The following OXSR1 variants were observed in gnomAD, a reference collection of about 807,000 sequenced individuals.
OXSR1 encodes oxidative stress responsive kinase 1.
A neutral mutation model predicts 79.8 loss-of-function variants in OXSR1; 24 were observed. The observed-to-expected ratio is 0.30, with a 90% CI of 0.22 to 0.42. The LOEUF is 0.42. OXSR1 is among the 10% of genes least tolerant of loss of function. The pLI is 1.00. For missense variants in OXSR1, 430 were observed against 618.4 expected (o/e 0.70, Z 3.23); for synonymous variants, 226 against 209.2 (o/e 1.08, Z -0.69).
At chr3:38,235,745 A>G (rs1702906261) in intron 10 of OXSR1, among the ~76,000 whole-genome samples, 1 of 152,230 alleles carries the variant, frequency 6.6e-6, no homozygotes, top group South Asian at 2.1e-4. Context: ...CTTCAAAGGT[A>G]TGAAAGAAAA....
intron 11 of OXSR1, among the ~76,000 whole-genome samples, chr3:38,237,319 A>G (rs1016723362): frequency 6.6e-6 from 1 of 152,160 alleles, no homozygotes; most frequent in Non-Finnish European, 1.5e-5. Context: ...TTATCCTTCT[A>G]CTAAGGAGGA....
intron 1 of OXSR1, among the ~76,000 whole-genome samples, chr3:38,173,611 A>G (rs1239267231): frequency 6.6e-6 from 1 of 152,270 alleles, no homozygotes; most frequent in Non-Finnish European, 1.5e-5. Context: ...TGCTCAGTGA[A>G]TGTTAATGTA....
intron 3 of OXSR1, among the ~76,000 whole-genome samples, chr3:38,191,135 T>G (rs1269413764): frequency 6.6e-6 from 1 of 152,130 alleles, no homozygotes. Flanking sequence ...GCCTCAAAAC[T>G]CCTGGGTTCA....
At chr3:38,206,435 A>G (rs565231284) in intron 4 of OXSR1, among the ~76,000 whole-genome samples, 1 of 152,258 alleles carries the variant, frequency 6.6e-6, no homozygotes, top group South Asian at 2.1e-4. Flanking sequence ...TAGTCATACA[A>G]AATAAAGCAG....
rs36071020 is a variant in OXSR1 at position 38,211,165 on chromosome 3, G to A, written c.435-4931G>A. Among the ~76,000 whole-genome samples, 1,140 of 152,202 alleles carry A rather than the reference G, an allele frequency of 7.5e-3. 20 individuals are homozygous for A. The highest frequency in any genetic ancestry group is 0.026 in the African/African-American group (1,097 of 41,526). On this transcript the variant is annotated intron_variant, in intron 4 of 17. Coordinates refer to ENST00000311806, the MANE Select transcript of OXSR1 (RefSeq NM_005109.3). The stretch of plus-strand genomic sequence containing the variant: ...AAAAAGGAGGCCTAGCACTATTTGG[G>A]CTCGTTGGGCATTAGACAGTATGTA...
intron 3 of OXSR1, among the ~76,000 whole-genome samples, chr3:38,191,262 A>G (rs1202613818): frequency 6.6e-6 from 1 of 151,548 alleles, no homozygotes; most frequent in Non-Finnish European, 1.5e-5. Context: ...ATGGGGTCTC[A>G]CTATGTTGCC....
At chr3:38,234,402 A>G (rs1702876362) in intron 10 of OXSR1, among the ~76,000 whole-genome samples, 1 of 152,220 alleles carries the variant, frequency 6.6e-6, no homozygotes, top group Non-Finnish European at 1.5e-5. Context: ...GCAACTCAAT[A>G]ATAAAAAGAC....
At chr3:38,211,542 G>A (rs1417252758) in intron 4 of OXSR1, among the ~76,000 whole-genome samples, 2 of 152,146 alleles carry the variant, frequency 1.3e-5, no homozygotes, top group African/African-American at 4.8e-5. Flanking sequence ...AGATAATTAA[G>A]ATCTTATTTT....
rs1559516769 is a variant in OXSR1 at position 38,217,474 on chromosome 3, GATAA to G, written c.490+1330_490+1333del. ...AAATAATCCCAATGCCAGTAGAATG[GATAA>G]ATAAATTGTGGTTAATTATATACTG... On this transcript the variant is annotated intron_variant, in intron 5 of 17. Coordinates refer to ENST00000311806, the MANE Select transcript of OXSR1 (RefSeq NM_005109.3). Among the ~76,000 whole-genome samples, 6 of 152,208 alleles carry G rather than the reference GATAA, an allele frequency of 3.9e-5. No individual in the cohort carries two copies. The South Asian group carries it at 1.0e-3, about 26-fold the overall frequency.
intron 4 of OXSR1, among the ~76,000 whole-genome samples, chr3:38,215,188 T>A (rs1212645256): frequency 6.6e-6 from 1 of 152,184 alleles, no homozygotes; most frequent in African/African-American, 2.4e-5. Flanking sequence ...ATTTGTTCAT[T>A]TAATAATGTA....
chr3:38,167,993 A>C (rs921407310), intron 1 of OXSR1, among the ~76,000 whole-genome samples: 3 of 151,700 alleles, frequency 2.0e-5, no homozygotes, highest in African/African-American at 7.3e-5. Context: ...AGAGAATTTC[A>C]GAGTTGCAAA....
intron 14 of OXSR1, among the ~76,000 whole-genome samples, chr3:38,249,306 CTG>C (rs1388423263): frequency 2.0e-5 from 3 of 152,166 alleles, no homozygotes; most frequent in African/African-American, 7.2e-5. Flanking sequence ...GTGATCATCA[CTG>C]TAACTGTACC....
At chr3:38,191,014 A>G (rs952182455) in intron 3 of OXSR1, among the ~76,000 whole-genome samples, 175 bp downstream of exon 3, 3 of 152,232 alleles carry the variant, frequency 2.0e-5, no homozygotes, top group East Asian at 3.9e-4. Flanking sequence ...CACACATTGC[A>G]TTTGATTCAT....
chr3:38,202,399 T>A lies in OXSR1; in HGVS notation c.434+3536T>A, dbSNP rs564818245. 9.8e-5 allele frequency among the ~76,000 whole-genome samples: 15 copies of A among 152,310 alleles called. No homozygotes were observed. In the East Asian group the frequency reaches 2.7e-3, roughly 27 times the overall value. On this transcript the variant is annotated intron_variant, in intron 4 of 17. Coordinates refer to ENST00000311806, the MANE Select transcript of OXSR1 (RefSeq NM_005109.3). ...AAGGGAAATGACTTTTTTTTTCTTTTTAGAGACAGATTCTCTGTCACCCAG... is the reference window on the plus strand; with the variant it reads ...AAGGGAAATGACTTTTTTTTTCTTTATAGAGACAGATTCTCTGTCACCCAG...
intron 1 of OXSR1, among the ~76,000 whole-genome samples, chr3:38,179,077 A>C (rs56306121): frequency 0.015 from 1,983 of 132,232 alleles, 44 homozygotes; most frequent in African/African-American, 0.055. Context: ...GTCATCCAGG[A>C]TGGAGTGCAG....
rs143147183 is a variant in OXSR1 at position 38,243,424 on chromosome 3, G to A, written c.1110+646G>A. On this transcript the variant is annotated intron_variant, in intron 12 of 17. Coordinates refer to ENST00000311806, the MANE Select transcript of OXSR1 (RefSeq NM_005109.3). ...TCTTTCAGCCTCAGCCTCTTCTCTTGTGAAATAAATTCTATTTTCCGTGGT... is the reference window on the plus strand; with the variant it reads ...TCTTTCAGCCTCAGCCTCTTCTCTTATGAAATAAATTCTATTTTCCGTGGT... Among the ~76,000 whole-genome samples, 23 of 152,220 alleles carry A rather than the reference G, an allele frequency of 1.5e-4. 1 individual carries two copies. The highest frequency in any genetic ancestry group is 5.5e-4 in the African/African-American group (23 of 41,536).
At chr3:38,194,831 A>G (rs1438387548) in intron 3 of OXSR1, among the ~76,000 whole-genome samples, 1 of 152,232 alleles carries the variant, frequency 6.6e-6, no homozygotes, top group Non-Finnish European at 1.5e-5. Context: ...CTTCTTTCAT[A>G]TCACCTTTTT....
At chr3:38,210,673 A>G (rs1445735604) in intron 4 of OXSR1, among the ~76,000 whole-genome samples, 1 of 152,162 alleles carries the variant, frequency 6.6e-6, no homozygotes, top group Non-Finnish European at 1.5e-5. Flanking sequence ...GACTCCAGCA[A>G]TAGTCTTCTG....
chr3:38,183,576 A>G (rs1701827110), intron 2 of OXSR1, among the ~76,000 whole-genome samples: 1 of 152,188 alleles, frequency 6.6e-6, no homozygotes, highest in South Asian at 2.1e-4. Context: ...TTCCCTTAAA[A>G]TAATACCATG....
Sources: allele counts gnomAD v4.1 joint callset (sites outside exome capture counted in the v4.1 genomes callset), GRCh38; gene constraint gnomAD v4.1.1; transcripts MANE v1.5; gene names NCBI Gene and HGNC (gene_info 2026-07-23, HGNC 2026-07-21).